RHOT1: variants seen among roughly 807,000 people sequenced by gnomAD.
RHOT1 encodes the protein ras homolog family member T1, also known as mitochondrial Rho GTPase 1.
Under a neutral mutation model 95.3 loss-of-function variants are expected in RHOT1, and 27 were observed. The observed-to-expected ratio is 0.28, with a 90% confidence interval of 0.21 to 0.39. The LOEUF (loss-of-function observed/expected upper bound fraction) is 0.39, where lower values mean the gene tolerates loss of function less well. RHOT1 is among the 10% of genes least tolerant of loss of function. The pLI is 1.00. For synonymous variants in RHOT1, 227 were observed against 263.5 expected (o/e 0.86, Z 1.34); for missense variants, 578 against 786.7 (o/e 0.73, Z 3.17).
intron 19 of RHOT1, among the ~76,000 whole-genome samples, chr17:32,217,084 G>C (rs2038521753): frequency 6.6e-6 from 1 of 152,162 alleles, no homozygotes. Context: ...GGTGAAGTTT[G>C]CCTTATCTGA....
intron 19 of RHOT1, among the ~76,000 whole-genome samples, chr17:32,221,361 C>T (rs1184939369): frequency 7.3e-6 from 1 of 137,344 alleles, no homozygotes; most frequent in Non-Finnish European, 1.5e-5. Context: ...AGTGAGATTT[C>T]GTCTGTCTCA....
intron 19 of RHOT1, among the ~76,000 whole-genome samples, chr17:32,220,569 T>G (rs2038766997): frequency 6.6e-6 from 1 of 152,106 alleles, no homozygotes; most frequent in African/African-American, 2.4e-5. Flanking sequence ...GCACAGTGGC[T>G]CACTCCTGTA....
intron 6 of RHOT1, among the ~76,000 whole-genome samples, chr17:32,182,427 A>G (rs1318100874): frequency 6.6e-6 from 1 of 152,204 alleles, no homozygotes; most frequent in African/African-American, 2.4e-5. Flanking sequence ...TTGAGGTTGC[A>G]GTGAGCTGTG....
intron 1 of RHOT1, among the ~76,000 whole-genome samples, chr17:32,149,633 ATATGTG>A (rs1260907720): frequency 3.6e-4 from 29 of 81,272 alleles, no homozygotes; most frequent in Non-Finnish European, 6.5e-4. Flanking sequence ...ATATATATAT[ATATGTG>A]TGTGTGTGTG....
At chr17:32,204,975 T>C (rs2037601551) in intron 16 of RHOT1, among the ~76,000 whole-genome samples, 2 of 148,036 alleles carry the variant, frequency 1.4e-5, no homozygotes, top group Admixed American at 1.3e-4. Context: ...AAAGTGAGAC[T>C]CCGTCTCAAA....
chr17:32,175,879 A>G, intron 4 of RHOT1, 83 bp from the exon 5 acceptor site: 2 of 891,722 alleles, frequency 2.2e-6, no homozygotes, highest in African/African-American at 1.7e-5. Context: ...CTTTCACCCG[A>G]ATATATTAAT....
At chr17:32,151,621 G>A (rs1338755974) in intron 1 of RHOT1, 1 of 250,770 alleles carries the variant, frequency 4.0e-6, no homozygotes, top group Non-Finnish European at 8.0e-6. Context: ...AGTGGCTCAC[G>A]CCTGTAATTC....
chr17:32,188,366 G>A (rs2036215587), intron 8 of RHOT1, among the ~76,000 whole-genome samples: 2 of 152,130 alleles, frequency 1.3e-5, no homozygotes, highest in African/African-American at 4.8e-5. Flanking sequence ...CCTTCAATTG[G>A]AATTGATTAA....
chr17:32,216,719 G>T (rs2038499241), intron 19 of RHOT1, among the ~76,000 whole-genome samples: 1 of 152,068 alleles, frequency 6.6e-6, no homozygotes, highest in Admixed American at 6.6e-5. Flanking sequence ...CTTTATTGAA[G>T]AAAGGATTTT....
intron 6 of RHOT1, among the ~76,000 whole-genome samples, chr17:32,181,793 C>T (rs1393696656): frequency 6.6e-6 from 1 of 152,212 alleles, no homozygotes; most frequent in Non-Finnish European, 1.5e-5. Context: ...TTTACACTAA[C>T]AATAAAACCT....
chr17:32,149,253 A>G (rs2142359147), intron 1 of RHOT1, among the ~76,000 whole-genome samples: 1 of 151,704 alleles, frequency 6.6e-6, no homozygotes, highest in South Asian at 2.1e-4. Context: ...ATTATTTGTT[A>G]TAAGTTTTAT....
At chr17:32,223,638 C>G (rs962778774) in intron 19 of RHOT1, among the ~76,000 whole-genome samples, 1 of 151,840 alleles carries the variant, frequency 6.6e-6, no homozygotes, top group African/African-American at 2.4e-5. Flanking sequence ...CAGTCTCGAA[C>G]TCCTGACCTC....
chr17:32,143,575 T>TC (rs1268072303), intron 1 of RHOT1, among the ~76,000 whole-genome samples: 1 of 151,948 alleles, frequency 6.6e-6, no homozygotes, highest in Non-Finnish European at 1.5e-5. Flanking sequence ...ATTTGATATC[T>TC]CCCCCCACCC....
chr17:32,204,536 A>G (rs28879696), intron 16 of RHOT1, among the ~76,000 whole-genome samples: 25,459 of 143,294 alleles, frequency 0.18, 2,351 homozygotes, highest in South Asian at 0.26. Context: ...GCGAAACTCC[A>G]TCTCCAGAAA....
intron 1 of RHOT1, chr17:32,151,585 A>T (rs9913891): frequency 0.023 from 7,534 of 323,672 alleles, 567 homozygotes; most frequent in African/African-American, 0.15. Context: ...TGAACTTTTT[A>T]AAAAAAGGAA....
chr17:32,199,854 A>G (rs183258587), intron 13 of RHOT1, among the ~76,000 whole-genome samples: 16 of 152,050 alleles, frequency 1.1e-4, no homozygotes, highest in East Asian at 1.9e-4. Context: ...CTGTTGCACA[A>G]TTCTTACTCT....
chr17:32,142,774 T>TGCCCCTGCA (rs764717368), intron 1 of RHOT1, 45 bp downstream of exon 1: 3 of 1,454,748 alleles, frequency 2.1e-6, no homozygotes, highest in Non-Finnish European at 1.8e-6. Flanking sequence ...CTGCCCTCCC[T>TGCCCCTGCA]GCCCCTGCAG....
At position 32,202,812 on chromosome 17, in the gene RHOT1, A is replaced by G; in HGVS notation, c.1244A>G (p.Gln415Arg). 3 of 1,608,898 alleles carry G rather than the reference A, an allele frequency of 1.9e-6. No individual in the cohort carries two copies. The highest frequency in any genetic ancestry group is 1.1e-5 in the South Asian group (1 of 90,236). ...ATAGACCTGCAGAAAAAACAAACTC[A>G]AAGAAATGTGTTCAGATGTAATGTA... is the stretch of plus-strand genomic sequence containing the variant. ...KKIDLQKKQT[Q>R]RNVFRCNVIG... Residue 415 changes from glutamine to arginine, a missense_variant, in exon 15 of 20, where the codon CAA becomes CGA. By Grantham distance (43) the Gln-to-Arg change is conservative. Transcript: ENST00000545287.
At chr17:32,209,856 A>AT (rs1330456282) in intron 18 of RHOT1, 3 of 153,018 alleles carry the variant, frequency 2.0e-5, no homozygotes, top group Non-Finnish European at 2.9e-5. Context: ...AAAGAATCAG[A>AT]TTTGATTTAT....
Sources: gnomAD v4.1 joint callset for allele counts (sites outside exome capture counted in the v4.1 genomes callset) on GRCh38, gnomAD v4.1.1 for gene constraint, MANE v1.5 for transcripts, NCBI Gene and HGNC (gene_info 2026-07-23, HGNC 2026-07-21) for gene names.